The following NEK11 variants were observed in gnomAD, a reference collection of about 807,000 sequenced individuals.
NEK11 encodes serine/threonine-protein kinase Nek11.
A neutral mutation model predicts 80.7 loss-of-function variants in NEK11; 72 were observed. That is an observed-to-expected ratio of 0.89 (90% CI 0.74 to 1.08). The LOEUF is 1.08. Among genes scored for constraint, NEK11 ranks in the 50% least tolerant of loss-of-function variants. The probability of loss-of-function intolerance (pLI) is 0.00; values close to 1 mark genes in which losing one functional copy is unlikely to be tolerated. For missense variants in NEK11, 764 were observed against 763.6 expected, an observed-to-expected ratio of 1.00 and a Z score of -0.01; for synonymous variants, 251 against 260.7, an observed-to-expected ratio of 0.96 and a Z score of 0.36.
intron 17 of NEK11, among the ~76,000 whole-genome samples, chr3:131,336,563 G>A (rs1480753629): frequency 2.6e-5 from 4 of 152,102 alleles, no homozygotes; most frequent in Non-Finnish European, 4.4e-5. Context: ...CGTGGGCAAG[G>A]ACTTCATGTC....
intron 10 of NEK11, among the ~76,000 whole-genome samples, chr3:131,157,959 G>T (rs1645689113): frequency 6.6e-6 from 1 of 152,132 alleles, no homozygotes; most frequent in Non-Finnish European, 1.5e-5. Context: ...GTGCTTGAGT[G>T]TCTGCAGCAG....
At chr3:131,335,419 C>A (rs1269783423) in intron 17 of NEK11, among the ~76,000 whole-genome samples, 2 of 152,108 alleles carry the variant, frequency 1.3e-5, no homozygotes, top group Non-Finnish European at 2.9e-5. Flanking sequence ...AATTCAACAA[C>A]CTTCATGCTA....
chr3:131,331,252 T>C (rs923635867), intron 17 of NEK11, among the ~76,000 whole-genome samples: 2 of 152,232 alleles, frequency 1.3e-5, no homozygotes, highest in African/African-American at 2.4e-5. Flanking sequence ...TGGACAGAGA[T>C]AGAAACTAGC....
chr3:131,234,685 T>C (rs753426605), intron 15 of NEK11, among the ~76,000 whole-genome samples: 3 of 151,954 alleles, frequency 2.0e-5, no homozygotes, highest in Non-Finnish European at 4.4e-5. Context: ...CTCTCTCCCA[T>C]TTCTTGTCCA....
intron 12 of NEK11, among the ~76,000 whole-genome samples, chr3:131,166,154 G>A (rs79209693): frequency 0.012 from 1,762 of 152,266 alleles, 40 homozygotes; most frequent in African/African-American, 0.04. Flanking sequence ...CGTCAAATTT[G>A]GGCAATAGAC....
intron 17 of NEK11, among the ~76,000 whole-genome samples, chr3:131,315,056 G>A (rs72991599): frequency 0.12 from 18,100 of 152,040 alleles, 1,528 homozygotes; most frequent in East Asian, 0.3. Context: ...ATACACATAC[G>A]TAGTGAAGTA....
intron 7 of NEK11, among the ~76,000 whole-genome samples, chr3:131,148,966 A>C (rs1434289641): frequency 1.3e-5 from 2 of 152,028 alleles, no homozygotes. Context: ...CATTGCCTCA[A>C]ACATTTATCA....
chr3:131,224,305 G>A (rs1433861550), intron 14 of NEK11, among the ~76,000 whole-genome samples: 1 of 151,816 alleles, frequency 6.6e-6, no homozygotes, highest in African/African-American at 2.4e-5. Flanking sequence ...TCGGCTCACT[G>A]CATCCTCCAC....
intron 17 of NEK11, among the ~76,000 whole-genome samples, chr3:131,290,843 A>G (rs1370182609): frequency 6.6e-6 from 1 of 152,136 alleles, no homozygotes; most frequent in Non-Finnish European, 1.5e-5. Flanking sequence ...GAGATTTCCC[A>G]TATATCTCCT....
chr3:131,147,145 T>C (rs1324340561), intron 7 of NEK11, among the ~76,000 whole-genome samples: 1 of 152,112 alleles, frequency 6.6e-6, no homozygotes, highest in Non-Finnish European at 1.5e-5. Flanking sequence ...CTTTTAAAAC[T>C]CAGTTTTCTT....
chr3:131,311,032 C>T (rs75422131), intron 17 of NEK11, among the ~76,000 whole-genome samples: 3,194 of 152,214 alleles, frequency 0.021, 113 homozygotes, highest in African/African-American at 0.072. Context: ...AGTGGGGTTC[C>T]TGGGATCCCT....
intron 3 of NEK11, among the ~76,000 whole-genome samples, chr3:131,048,607 T>G (rs2067816251): frequency 6.6e-6 from 1 of 152,190 alleles, no homozygotes; most frequent in Non-Finnish European, 1.5e-5. Context: ...TGATCCCTCT[T>G]TCACACTTTG....
At chr3:131,313,603 C>T (rs2096803747) in intron 17 of NEK11, among the ~76,000 whole-genome samples, 2 of 151,968 alleles carry the variant, frequency 1.3e-5, no homozygotes, top group South Asian at 2.1e-4. Flanking sequence ...TGTTTGTTGG[C>T]CACACGTATA....
intron 4 of NEK11, among the ~76,000 whole-genome samples, chr3:131,085,790 A>G (rs781593204): frequency 5.9e-5 from 9 of 152,318 alleles, no homozygotes; most frequent in Admixed American, 3.9e-4. Context: ...TATCAAAACT[A>G]GGAAAATTAA....
At chr3:131,137,348 G>T (rs1478848962) in intron 7 of NEK11, among the ~76,000 whole-genome samples, 4 of 152,112 alleles carry the variant, frequency 2.6e-5, no homozygotes, top group African/African-American at 9.7e-5. Context: ...AAGGGATGGG[G>T]ACAACAGCCT....
In NEK11 at chr3:131,162,447, A is replaced by T. The variant is rs553291342; in HGVS notation, c.1002A>T (p.Ser334=). Residue 334 remains serine, a synonymous_variant, in exon 11 of 18, where the codon TCA becomes TCT. Coordinates refer to ENST00000383366, the MANE Select transcript of NEK11 (RefSeq NM_024800.5). The part of the protein sequence containing the change: ...RIHLQTLRAL[S]EVQKMTPRER... ...ACCTGCAGACTCTGAGGGCACTGTC[A>T]GAAGTACAGAAAATGACGCCAAGAG... The T allele has an allele frequency of 1.5e-4, 237 of 1,614,144 alleles. 1 individual carries two copies. The South Asian group carries it at 2.5e-3, about 17-fold the overall frequency.
intron 4 of NEK11, among the ~76,000 whole-genome samples, chr3:131,083,160 C>T (rs148311885): frequency 1.3e-5 from 2 of 152,312 alleles, no homozygotes; most frequent in East Asian, 3.9e-4. Flanking sequence ...CAAATGAGCC[C>T]AAAGCATACT....
chr3:131,154,494 G>A (rs1258027801), intron 9 of NEK11, among the ~76,000 whole-genome samples: 1 of 152,218 alleles, frequency 6.6e-6, no homozygotes, highest in East Asian at 1.9e-4. Context: ...TTAGGGTGAG[G>A]TAAGTGAGGT....
chr3:131,223,258 T>C (rs1242635059), intron 14 of NEK11, among the ~76,000 whole-genome samples: 2 of 152,198 alleles, frequency 1.3e-5, no homozygotes, highest in Admixed American at 6.5e-5. Context: ...GACTTTTCCC[T>C]TTGAAAATGA....
Sources: gnomAD v4.1 joint callset for allele counts (sites outside exome capture counted in the v4.1 genomes callset) on GRCh38, gnomAD v4.1.1 for gene constraint, MANE v1.5 for transcripts, NCBI Gene and HGNC (gene_info 2026-07-23, HGNC 2026-07-21) for gene names.